Variants in CHODL observed in about 807,000 individuals in gnomAD.
The protein encoded by CHODL is transmembrane protein MT75.
In CHODL, 29 loss-of-function variants were observed where a neutral mutation model predicts 34.5. The ratio of observed to expected loss-of-function variants is 0.84; its 90% CI spans 0.63 to 1.15. The LOEUF is 1.15. CHODL is among the 50% of genes most tolerant of loss of function. The pLI is 0.00. For missense variants in CHODL, 332 were observed against 332.5 expected (o/e 1.00, Z 0.01); for synonymous variants, 125 against 116.1 (o/e 1.08, Z -0.49).
At chr21:18,151,964 A>G (rs888499459) in intron 2 of CHODL, among the ~76,000 whole-genome samples, 4 of 150,886 alleles carry the variant, frequency 2.7e-5, no homozygotes, top group African/African-American at 9.8e-5. Flanking sequence ...CATTCAGTCC[A>G]TGTTAGGCAA....
intron 1 of CHODL, among the ~76,000 whole-genome samples, chr21:18,255,213 G>T (rs530867652): frequency 6.6e-6 from 1 of 151,914 alleles, no homozygotes; most frequent in Non-Finnish European, 1.5e-5. Context: ...TAGATATTTG[G>T]TTGGTCCTAA....
At chr21:18,089,638 A>T (rs2065048031) in intron 2 of CHODL, among the ~76,000 whole-genome samples, 1 of 152,204 alleles carries the variant, frequency 6.6e-6, no homozygotes. Flanking sequence ...ATTCAAGGAT[A>T]TGGAATAATT....
chr21:18,085,198 G>A (rs1195499853), intron 2 of CHODL, among the ~76,000 whole-genome samples: 2 of 151,614 alleles, frequency 1.3e-5, no homozygotes, highest in Admixed American at 6.6e-5. Context: ...TAAATTTCTT[G>A]TAGGCAGCAT....
At chr21:18,171,197 A>ATTTCTTTTTTT (rs2073224159) in intron 2 of CHODL, among the ~76,000 whole-genome samples, 6 of 4,500 alleles carry the variant, frequency 1.3e-3, no homozygotes, top group Non-Finnish European at 1.7e-3. Flanking sequence ...GGTTTTCTTT[A>ATTTCTTTTTTT]GTTTTTTTTT....
chr21:18,160,929 AC>A (rs1156529659), intron 2 of CHODL, among the ~76,000 whole-genome samples: 1 of 152,208 alleles, frequency 6.6e-6, no homozygotes, highest in African/African-American at 2.4e-5. Flanking sequence ...CAATGACTGA[AC>A]TAATTTACAT....
rs34259143 is a variant in CHODL, at chr21:18,207,659, C to CTTTT, written c.-44-48832_-44-48829dup. On this transcript the variant is annotated intron_variant, in intron 2 of 6. Transcript: ENST00000400127. The stretch of plus-strand genomic sequence containing the variant: ...TGGTGGTGGTGATGAAATCTCTCAG[C>CTTTT]TTTTTTTTTTTTTTTTTTTTTGCGG... Among the ~76,000 whole-genome samples, 57 of 55,884 alleles carry CTTTT rather than the reference C, an allele frequency of 1.0e-3. 3 individuals carry two copies. The highest frequency in any genetic ancestry group is 2.8e-3 in the African/African-American group (32 of 11,316). 36.7% of individuals were successfully genotyped at this position (55,884 alleles called of 152,430 possible). A position where few individuals can be genotyped will look rare whatever the true frequency, so the allele number is the denominator to read the frequency against.
At chr21:18,257,174 T>C in intron 3 of CHODL, 47 bp downstream of exon 3, 1 of 1,507,424 alleles carries the variant, frequency 6.6e-7, no homozygotes, top group Non-Finnish European at 8.9e-7. Context: ...GCATGTTTAA[T>C]TGTATTAAGT....
intron 1 of CHODL, among the ~76,000 whole-genome samples, chr21:17,938,106 T>A (rs977259529): frequency 2.6e-5 from 4 of 152,212 alleles, no homozygotes; most frequent in African/African-American, 9.6e-5. Context: ...GGTTTATTAA[T>A]ACGTAGTTCC....
chr21:18,261,637 G>A (rs2074384079), intron 4 of CHODL, among the ~76,000 whole-genome samples: 1 of 151,974 alleles, frequency 6.6e-6, no homozygotes. Flanking sequence ...ATGCACTCTG[G>A]CCTGGGAGAC....
chr21:17,931,659 A>G (rs2063274465), intron 1 of CHODL, among the ~76,000 whole-genome samples: 1 of 152,206 alleles, frequency 6.6e-6, no homozygotes, highest in Non-Finnish European at 1.5e-5. Context: ...AATCAGGAAA[A>G]CAATGTAGCA....
chr21:17,986,568 C>T (rs1251404622), intron 1 of CHODL, among the ~76,000 whole-genome samples: 25 of 152,236 alleles, frequency 1.6e-4, no homozygotes, highest in Non-Finnish European at 2.4e-4. Flanking sequence ...CTGTCATGGA[C>T]GGACATTTGG....
At chr21:18,229,589 A>C (rs2073960915) in intron 2 of CHODL, among the ~76,000 whole-genome samples, 1 of 152,170 alleles carries the variant, frequency 6.6e-6, no homozygotes, top group South Asian at 2.1e-4. Context: ...TCACATAATC[A>C]AGCCAGTATC....
chr21:17,978,936 T>C (rs2063692784), intron 1 of CHODL, among the ~76,000 whole-genome samples: 1 of 152,126 alleles, frequency 6.6e-6, no homozygotes, highest in Admixed American at 6.6e-5. Flanking sequence ...TCTCTGTCCA[T>C]GCACATGAGT....
Position 18,256,471 on chromosome 21 carries a change from C to A in CHODL, c.80-38C>A, listed in dbSNP as rs114740226. On this transcript the variant is annotated intron_variant, in intron 1 of 5. Transcript: ENST00000299295. ...CTTAGTGTTGTTACAAATAGAGTTCCGATTATCAATATATGGGCATCTTTT... is the reference window on the plus strand; with the variant it reads ...CTTAGTGTTGTTACAAATAGAGTTCAGATTATCAATATATGGGCATCTTTT... The A allele has an allele frequency of 8.0e-3, 12,225 of 1,532,898 alleles. 848 individuals carry two copies. The African/African-American group carries it at 0.15, about 19-fold the overall frequency. 95.0% of individuals were successfully genotyped at this position (1,532,898 alleles called of 1,614,324 possible). A position where few individuals can be genotyped will look rare whatever the true frequency, so the allele number is the denominator to read the frequency against.
At chr21:18,082,918 G>GAA (rs879403369) in intron 2 of CHODL, among the ~76,000 whole-genome samples, 3 of 130,334 alleles carry the variant, frequency 2.3e-5, no homozygotes, top group Non-Finnish European at 3.3e-5. Flanking sequence ...CATGTAGGAG[G>GAA]AAAAAAAAAA....
At chr21:18,131,716 T>C (rs1453193904) in intron 2 of CHODL, among the ~76,000 whole-genome samples, 1 of 152,190 alleles carries the variant, frequency 6.6e-6, no homozygotes, top group Non-Finnish European at 1.5e-5. Flanking sequence ...TCATTGCTTG[T>C]TGTATAGATG....
chr21:17,942,980 G>A (rs2063377801), intron 1 of CHODL, among the ~76,000 whole-genome samples: 2 of 152,166 alleles, frequency 1.3e-5, no homozygotes, highest in Non-Finnish European at 2.9e-5. Context: ...ATGTGAAGAT[G>A]TGCTTGCTTC....
In CHODL at chr21:18,218,681, C is replaced by A. The variant is rs368320348; in HGVS notation, c.-44-37828C>A. Reference sequence around the variant, plus strand: ...ATTTCGTTGCCAGGCTGCAAAAATTCCAAACTTTTGTGCTCTGTTTCCTCT... The same window carrying A: ...ATTTCGTTGCCAGGCTGCAAAAATTACAAACTTTTGTGCTCTGTTTCCTCT... On this transcript the variant is annotated intron_variant, in intron 2 of 6. Coordinates refer to the CHODL transcript ENST00000400127. Among the ~76,000 whole-genome samples the A allele has an allele frequency of 3.9e-5, 6 of 152,268 alleles. 1 individual carries two copies. The highest frequency in any genetic ancestry group is 1.4e-4 in the African/African-American group (6 of 41,544).
At chr21:18,123,746 T>C (rs2065508548) in intron 2 of CHODL, among the ~76,000 whole-genome samples, 2 of 152,158 alleles carry the variant, frequency 1.3e-5, no homozygotes, top group South Asian at 2.1e-4. Context: ...TACTGTTACA[T>C]AGGCAATTAA....
Sources: gnomAD v4.1 joint callset for allele counts (sites outside exome capture counted in the v4.1 genomes callset) on GRCh38, gnomAD v4.1.1 for gene constraint, MANE v1.5 for transcripts, NCBI Gene and HGNC (gene_info 2026-07-23, HGNC 2026-07-21) for gene names.